The following RORB variants were observed in gnomAD, a reference collection of about 807,000 sequenced individuals.
RORB encodes nuclear receptor ROR-beta.
Under a neutral mutation model 59.1 loss-of-function variants are expected in RORB, and 6 were observed. The ratio of observed to expected loss-of-function variants is 0.10; its 90% CI spans 0.06 to 0.20. The LOEUF (loss-of-function observed/expected upper bound fraction) is 0.20, where lower values mean the gene tolerates loss of function less well. Ranked by LOEUF, RORB falls within the 10% of genes least tolerant of loss-of-function variation. The pLI, the probability that RORB is intolerant of heterozygous loss-of-function variation, is 1.00. For missense variants in RORB, 320 were observed against 560.5 expected, an observed-to-expected ratio of 0.57 and a Z score of 4.33; for synonymous variants, 215 against 204.5, an observed-to-expected ratio of 1.05 and a Z score of -0.44.
intron 1 of RORB, among the ~76,000 whole-genome samples, chr9:74,507,446 T>G (rs781168579): frequency 6.6e-6 from 1 of 152,102 alleles, no homozygotes; most frequent in Non-Finnish European, 1.5e-5. Context: ...TGAAACCAGT[T>G]GTATTTGACA....
chr9:74,561,341 A>G (rs1822394369), intron 1 of RORB, among the ~76,000 whole-genome samples: 1 of 152,198 alleles, frequency 6.6e-6, no homozygotes, highest in Non-Finnish European at 1.5e-5. Flanking sequence ...CATTCCCCTG[A>G]AAGGTACTAA....
At chr9:74,600,595 C>T (rs1290395705) in intron 1 of RORB, among the ~76,000 whole-genome samples, 1 of 152,188 alleles carries the variant, frequency 6.6e-6, no homozygotes, top group East Asian at 1.9e-4. Context: ...ACTTAAACTA[C>T]TGAACTGAGT....
intron 1 of RORB, among the ~76,000 whole-genome samples, chr9:74,548,978 A>G (rs1265380211): frequency 1.3e-5 from 2 of 152,248 alleles, no homozygotes; most frequent in Admixed American, 1.3e-4. Flanking sequence ...ATTAAAAATA[A>G]TGCTATTTCA....
intron 1 of RORB, among the ~76,000 whole-genome samples, chr9:74,619,971 A>G (rs1823384232): frequency 6.6e-6 from 1 of 152,088 alleles, no homozygotes; most frequent in Non-Finnish European, 1.5e-5. Context: ...TTTTGCATCG[A>G]TGTTCGTCAG....
At chr9:74,563,866 T>C (rs763049341) in intron 1 of RORB, among the ~76,000 whole-genome samples, 1 of 152,014 alleles carries the variant, frequency 6.6e-6, no homozygotes, top group African/African-American at 2.4e-5. Context: ...GGAGTGGAAA[T>C]AGATGCCTTC....
chr9:74,606,120 T>C (rs1823145209), intron 1 of RORB, among the ~76,000 whole-genome samples: 1 of 152,218 alleles, frequency 6.6e-6, no homozygotes, highest in Non-Finnish European at 1.5e-5. Flanking sequence ...TGTGATTAAA[T>C]AAATGAGATA....
chr9:74,616,066 T>A (rs1299150748), intron 1 of RORB, among the ~76,000 whole-genome samples: 1 of 152,210 alleles, frequency 6.6e-6, no homozygotes, highest in East Asian at 1.9e-4. Flanking sequence ...AGATGCTTTA[T>A]CATATGTAAA....
chr9:74,518,232 T>C (rs2118060836), intron 1 of RORB, among the ~76,000 whole-genome samples: 1 of 152,094 alleles, frequency 6.6e-6, no homozygotes, highest in East Asian at 1.9e-4. Flanking sequence ...CTTTAAGTCA[T>C]GCATAAGATG....
At chr9:74,623,754 C>T (rs889211200) in intron 1 of RORB, among the ~76,000 whole-genome samples, 1 of 152,120 alleles carries the variant, frequency 6.6e-6, no homozygotes, top group African/African-American at 2.4e-5. Context: ...GTGGACCACA[C>T]CTTGAGTGGT....
chr9:74,691,531 T>G lies in RORB; in HGVS notation c.*5913T>G, dbSNP rs1277441607. 6.6e-6 allele frequency: 1 copy of G among 152,212 alleles called. No individual in the cohort carries two copies. The highest frequency in any genetic ancestry group is 1.9e-4 in the East Asian group (1 of 5,178). The allele number at this position is 152,212 out of a possible 1,614,324, so 9.4% of individuals were successfully genotyped here. A position where few individuals can be genotyped will look rare whatever the true frequency, so the allele number is the denominator to read the frequency against. The stretch of plus-strand genomic sequence containing the variant: ...GTATTGTAGAAATGTAGAGGAAAAA[T>G]AAAAATATTTTTTCAAATGTAATTA... On this transcript the variant is annotated 3_prime_UTR_variant, in exon 10 of 10. Coordinates refer to ENST00000376896, the MANE Select transcript of RORB (RefSeq NM_006914.4).
rs771929463 is a variant in RORB at position 74,642,841 on chromosome 9, C to CT, written c.637+33dup. Reference sequence around the variant, plus strand: ...GTAAGTGGAAGTCTCCTCCCAGTGGCTTTTTTTGAGATTTTGCTTTGAATT... The same window carrying CT: ...GTAAGTGGAAGTCTCCTCCCAGTGGCTTTTTTTTGAGATTTTGCTTTGAATT... On this transcript the variant is annotated intron_variant, in intron 4 of 9. Transcript: ENST00000376896. 18 of 1,530,716 alleles carry CT rather than the reference C, an allele frequency of 1.2e-5. No homozygotes were observed. In the African/African-American group the frequency reaches 1.4e-4, roughly 12 times the overall value. 94.8% of individuals were successfully genotyped at this position (1,530,716 alleles called of 1,614,324 possible). A position where few individuals can be genotyped will look rare whatever the true frequency, so the allele number is the denominator to read the frequency against.
chr9:74,642,321 GA>G, intron 3 of RORB, 92 bp from the exon 4 acceptor site: 6 of 1,275,220 alleles, frequency 4.7e-6, no homozygotes, highest in Non-Finnish European at 5.4e-6. Context: ...ATTTGAAGTT[GA>G]AGGGACAACC....
intron 1 of RORB, among the ~76,000 whole-genome samples, chr9:74,507,312 A>G (rs565413235): frequency 6.6e-6 from 1 of 152,254 alleles, no homozygotes; most frequent in South Asian, 2.1e-4. Context: ...TGGTTTTTCC[A>G]TTAAAAAGCA....
intron 1 of RORB, among the ~76,000 whole-genome samples, chr9:74,562,727 A>G (rs1247208222): frequency 6.6e-6 from 1 of 152,242 alleles, no homozygotes; most frequent in East Asian, 1.9e-4. Flanking sequence ...AGCAAGAATG[A>G]GAGCACACAA....
chr9:74,569,320 A>G (rs1822515346), intron 1 of RORB, among the ~76,000 whole-genome samples: 1 of 151,972 alleles, frequency 6.6e-6, no homozygotes. Flanking sequence ...CTCTGCTGTT[A>G]AGAAGACTGT....
At chr9:74,590,363 G>A (rs1587373254) in intron 1 of RORB, among the ~76,000 whole-genome samples, 2 of 152,264 alleles carry the variant, frequency 1.3e-5, no homozygotes, top group South Asian at 4.2e-4. Context: ...AAGTGTAGTA[G>A]AAATACTTTA....
intron 4 of RORB, among the ~76,000 whole-genome samples, chr9:74,657,941 G>C (rs1342894491): frequency 6.9e-6 from 1 of 144,546 alleles, no homozygotes; most frequent in Non-Finnish European, 1.5e-5. Flanking sequence ...GGAGGTGGAG[G>C]TTGCAGTGAG....
intron 1 of RORB, among the ~76,000 whole-genome samples, chr9:74,537,477 G>GT (rs1015254604): frequency 6.6e-6 from 1 of 151,222 alleles, no homozygotes; most frequent in African/African-American, 2.4e-5. Context: ...CTCATCTCCT[G>GT]TTTTTTTAAC....
At chr9:74,583,795 A>C (rs1563944066) in intron 1 of RORB, among the ~76,000 whole-genome samples, 2 of 152,192 alleles carry the variant, frequency 1.3e-5, no homozygotes, top group Non-Finnish European at 2.9e-5. Flanking sequence ...TGAGATTCTC[A>C]AAGCTGAATC....
Sources: gnomAD v4.1 joint callset for allele counts (sites outside exome capture counted in the v4.1 genomes callset) on GRCh38, gnomAD v4.1.1 for gene constraint, MANE v1.5 for transcripts, NCBI Gene and HGNC (gene_info 2026-07-23, HGNC 2026-07-21) for gene names.